The following DLG2 variants were observed in gnomAD, a reference collection of about 807,000 sequenced individuals.
DLG2 encodes discs large MAGUK scaffold protein 2.
Under a neutral mutation model 132.5 loss-of-function variants are expected in DLG2, and 45 were observed. The ratio of observed to expected loss-of-function variants is 0.34; its 90% CI spans 0.27 to 0.44. The LOEUF (loss-of-function observed/expected upper bound fraction) is 0.44. Ranked by LOEUF, DLG2 falls within the 20% of genes least tolerant of loss-of-function variation. The probability of loss-of-function intolerance (pLI) is 1.00; values close to 1 mark genes in which losing one functional copy is unlikely to be tolerated. For synonymous variants in DLG2, 424 were observed against 419.6 expected, an observed-to-expected ratio of 1.01 and a Z score of -0.13; for missense variants, 1,045 against 1,196.9, an observed-to-expected ratio of 0.87 and a Z score of 1.87.
At chr11:85,198,424 T>G (rs2081218444) in intron 4 of DLG2, among the ~76,000 whole-genome samples, 1 of 152,112 alleles carries the variant, frequency 6.6e-6, no homozygotes, top group African/African-American at 2.4e-5. Flanking sequence ...GCTATTAAAT[T>G]TCCACAAGTG....
intron 3 of DLG2, among the ~76,000 whole-genome samples, chr11:85,472,874 T>C (rs1476465250): frequency 6.6e-6 from 1 of 152,102 alleles, no homozygotes; most frequent in East Asian, 1.9e-4. Context: ...TGAAACCCAC[T>C]CCTTCTGCCA....
intron 7 of DLG2, among the ~76,000 whole-genome samples, chr11:84,286,803 C>CT (rs1296694384): frequency 4.6e-5 from 7 of 152,134 alleles, no homozygotes; most frequent in Non-Finnish European, 8.8e-5. Context: ...AGGAGCTGTG[C>CT]TGGTGGGCTT....
chr11:84,726,985 T>G (rs1007931226), intron 6 of DLG2, among the ~76,000 whole-genome samples: 5 of 152,218 alleles, frequency 3.3e-5, no homozygotes, highest in African/African-American at 1.2e-4. Context: ...CCTTGTAGAT[T>G]CTGGATATTA....
intron 6 of DLG2, among the ~76,000 whole-genome samples, chr11:84,878,384 G>C (rs1417592000): frequency 6.6e-6 from 1 of 152,132 alleles, no homozygotes; most frequent in Admixed American, 6.5e-5. Context: ...GCCGTAAAAA[G>C]GATGAGTTAA....
chr11:85,431,041 G>A (rs867494505), intron 3 of DLG2, among the ~76,000 whole-genome samples: 2 of 151,886 alleles, frequency 1.3e-5, no homozygotes, highest in African/African-American at 4.8e-5. Flanking sequence ...TAATTTTTTA[G>A]TTTTTTTTAT....
At chr11:84,479,574 T>A (rs1279131372) in intron 7 of DLG2, among the ~76,000 whole-genome samples, 1 of 152,130 alleles carries the variant, frequency 6.6e-6, no homozygotes, top group Non-Finnish European at 1.5e-5. Context: ...GATTTGTCCT[T>A]AAATTATTTT....
chr11:84,705,817 GTCCTTC>G (rs1335119332), intron 6 of DLG2, among the ~76,000 whole-genome samples: 1 of 151,666 alleles, frequency 6.6e-6, no homozygotes, highest in Non-Finnish European at 1.5e-5. Flanking sequence ...TATTCAACAG[GTCCTTC>G]TTTGAAATTA....
chr11:84,050,263 C>T (rs2096340230), intron 11 of DLG2, among the ~76,000 whole-genome samples: 1 of 151,174 alleles, frequency 6.6e-6, no homozygotes, highest in Non-Finnish European at 1.5e-5. Context: ...GCAATGAAGC[C>T]TATTATAGTA....
intron 11 of DLG2, among the ~76,000 whole-genome samples, chr11:84,018,882 C>T (rs1224035307): frequency 1.3e-5 from 2 of 151,548 alleles, no homozygotes; most frequent in Admixed American, 1.3e-4. Flanking sequence ...AATAGTGTAT[C>T]CAGGAAAACA....
chr11:84,821,252 C>G (rs1446620197), intron 6 of DLG2, among the ~76,000 whole-genome samples: 1 of 151,810 alleles, frequency 6.6e-6, no homozygotes, highest in Non-Finnish European at 1.5e-5. Flanking sequence ...TTACTACAAT[C>G]TTATGATTCA....
chr11:85,125,264 T>C (rs2374618), intron 5 of DLG2, among the ~76,000 whole-genome samples: 14,670 of 152,294 alleles, frequency 0.096, 840 homozygotes, highest in Middle Eastern at 0.24. Flanking sequence ...CTCAGTCTCA[T>C]AGCTCTTCAT....
rs540100086 is a variant in DLG2, at chr11:85,493,932, G to A, written c.40+104725C>T. Among the ~76,000 whole-genome samples, 3 of 152,308 alleles carry A rather than the reference G, an allele frequency of 2.0e-5. No individual in the cohort carries two copies. The South Asian group carries it at 6.2e-4, about 32-fold the overall frequency. ...TGGGAATTCCAAGATGAAGGCACCA[G>A]TAGGATTGGCATTCAGTGAGGGCTG... On this transcript the variant is annotated intron_variant, in intron 3 of 27. Transcript: ENST00000376104.
At chr11:85,131,584 T>C (rs1410410123) in intron 5 of DLG2, among the ~76,000 whole-genome samples, 1 of 152,150 alleles carries the variant, frequency 6.6e-6, no homozygotes, top group Non-Finnish European at 1.5e-5. Context: ...AAAAGTAAAA[T>C]AAGGTATTCA....
intron 6 of DLG2, among the ~76,000 whole-genome samples, chr11:85,038,427 C>A (rs946769980): frequency 2.0e-5 from 3 of 152,012 alleles, no homozygotes; most frequent in Non-Finnish European, 4.4e-5. Flanking sequence ...CAGATCATTT[C>A]TTTCAAGCCT....
chr11:85,272,222 C>T (rs1176187165), intron 4 of DLG2, among the ~76,000 whole-genome samples: 2 of 152,144 alleles, frequency 1.3e-5, no homozygotes, highest in African/African-American at 4.8e-5. Flanking sequence ...TGCCTCCCAC[C>T]ATGTATGATG....
At chr11:84,768,136 A>G (rs1255925786) in intron 6 of DLG2, among the ~76,000 whole-genome samples, 1 of 152,204 alleles carries the variant, frequency 6.6e-6, no homozygotes, top group Non-Finnish European at 1.5e-5. Flanking sequence ...AAGCTTAACA[A>G]CTTTCAACGT....
rs190794226 is a variant in DLG2 at position 84,807,370 on chromosome 11, C to T, written c.358-272639G>A. 3.4e-3 allele frequency among the ~76,000 whole-genome samples: 510 copies of T among 152,016 alleles called. 5 individuals are homozygous for T. The highest frequency in any genetic ancestry group is 0.012 in the African/African-American group (496 of 41,454). On this transcript the variant is annotated intron_variant, in intron 6 of 27. Transcript: ENST00000376104. ...CTGAGGCAGGAGAATCGCTTGAACC[C>T]GGGAGGCAGATGTTGCAGTGAGCCG...
chr11:84,988,387 C>T (rs367692255), intron 6 of DLG2, among the ~76,000 whole-genome samples: 20 of 152,172 alleles, frequency 1.3e-4, no homozygotes, highest in Non-Finnish European at 2.4e-4. Context: ...GAAAAGAAGT[C>T]GTTATATGAA....
intron 18 of DLG2, among the ~76,000 whole-genome samples, chr11:83,784,377 G>A (rs946202124): frequency 6.6e-6 from 1 of 152,152 alleles, no homozygotes; most frequent in Non-Finnish European, 1.5e-5. Context: ...GTAAAGTTTG[G>A]ATAGGAGAGG....
Sources: gnomAD v4.1 joint callset for allele counts (sites outside exome capture counted in the v4.1 genomes callset) on GRCh38, gnomAD v4.1.1 for gene constraint, MANE v1.5 for transcripts, NCBI Gene and HGNC (gene_info 2026-07-23, HGNC 2026-07-21) for gene names.